Variants in DNM1L observed in about 807,000 individuals in gnomAD.
The protein encoded by DNM1L is dynamin-1-like protein.
DNM1L carries 33 observed loss-of-function variants against 92.8 expected under a neutral mutation model. That is an observed-to-expected ratio of 0.36 (90% CI 0.27 to 0.48). The LOEUF is 0.48. Ranked by LOEUF, DNM1L falls within the 20% of genes least tolerant of loss-of-function variation. DNM1L has a pLI of 0.99. For synonymous variants in DNM1L, 284 were observed against 305.0 expected, an observed-to-expected ratio of 0.93 and a Z score of 0.72; for missense variants, 485 against 888.8, an observed-to-expected ratio of 0.55 and a Z score of 5.78.
rs1183656447 is a variant in DNM1L, at chr12:32,679,304, G to A, written c.-60G>A. ...GAGAGGAGGAAGGAGGCGAACTGTG[G>A]GCCCCGGCCCCATTCATTGCCGTGG... On this transcript the variant is annotated 5_prime_UTR_variant, in exon 1 of 20. Coordinates refer to ENST00000549701, the MANE Select transcript of DNM1L (RefSeq NM_012062.5). 1 of 1,214,802 alleles carries A rather than the reference G, an allele frequency of 8.2e-7. No homozygotes were observed. Among genetic ancestry groups the A allele is most frequent in the Admixed American group, 1.8e-5 (1 of 55,014 alleles). 75.3% of individuals were successfully genotyped at this position (1,214,802 alleles called of 1,614,324 possible). A position where few individuals can be genotyped will look rare whatever the true frequency, so the allele number is the denominator to read the frequency against.
rs553345964 is a variant in DNM1L, at chr12:32,745,086, C to T, written c.*1676C>T. On this transcript the variant is annotated 3_prime_UTR_variant, in exon 20 of 20. Coordinates refer to ENST00000549701, the MANE Select transcript of DNM1L (RefSeq NM_012062.5). Reference sequence around the variant, plus strand: ...CTGATGTCAAACATAAAAACCCCCACATCAGTCTGATACGATATGGTACTA... The same window carrying T: ...CTGATGTCAAACATAAAAACCCCCATATCAGTCTGATACGATATGGTACTA... The T allele has an allele frequency of 2.9e-5, 14 of 483,056 alleles. No individual in the cohort carries two copies. The highest frequency in any genetic ancestry group is 1.8e-4 in the African/African-American group (9 of 50,438). 29.9% of individuals were successfully genotyped at this position (483,056 alleles called of 1,614,324 possible).
intron 2 of DNM1L, chr12:32,705,305 A>T (rs1283433578): frequency 6.6e-6 from 1 of 152,160 alleles, no homozygotes; most frequent in Non-Finnish European, 1.5e-5. Context: ...CTTGGCCCAA[A>T]TTTTTGAATA....
chr12:32,716,030 G>A (rs888770558), intron 6 of DNM1L, among the ~76,000 whole-genome samples: 1 of 152,036 alleles, frequency 6.6e-6, no homozygotes, highest in Non-Finnish European at 1.5e-5. Flanking sequence ...CTAAAGTATG[G>A]TACATTCCAT....
intron 2 of DNM1L, among the ~76,000 whole-genome samples, chr12:32,706,480 G>A (rs1376558075): frequency 6.6e-6 from 1 of 152,160 alleles, no homozygotes; most frequent in African/African-American, 2.4e-5. Context: ...AACAGTTCTA[G>A]TTTTTCTGGG....
intron 1 of DNM1L, among the ~76,000 whole-genome samples, chr12:32,699,655 G>A (rs1167094400): frequency 3.9e-5 from 6 of 151,954 alleles, no homozygotes; most frequent in African/African-American, 1.5e-4. Context: ...ACCGCTGGGC[G>A]TGGTGTCACA....
intron 16 of DNM1L, among the ~76,000 whole-genome samples, chr12:32,738,912 G>A (rs2137578081): frequency 6.6e-6 from 1 of 152,202 alleles, no homozygotes; most frequent in Non-Finnish European, 1.5e-5. Flanking sequence ...GTTTATAAAT[G>A]TCTTATCTTC....
rs1195130399 is a variant in DNM1L, at chr12:32,743,336, T to A, written c.2155-18T>A. 1 of 1,611,944 alleles carries A rather than the reference T, an allele frequency of 6.2e-7. No individual in the cohort carries two copies. The highest frequency in any genetic ancestry group is 1.3e-5 in the African/African-American group (1 of 74,878). On this transcript the variant is annotated intron_variant, in intron 19 of 19. Transcript: ENST00000549701. ...AACTTTATAATAAGCATTTAAAATT[T>A]TTTTTCCTTTAATGCAGGCATTACA...
intron 9 of DNM1L, chr12:32,728,020 AC>A (rs1592651963): frequency 6.6e-6 from 1 of 152,382 alleles, no homozygotes; most frequent in Middle Eastern, 3.4e-3. Context: ...TCATTAGAAC[AC>A]CTTTTTATTT....
rs1045288339 is a variant in DNM1L at position 32,737,653 on chromosome 12, G to A, written c.1597-212G>A. The A allele has an allele frequency of 9.4e-6, 5 of 533,244 alleles. No individual in the cohort carries two copies. In the South Asian group the frequency reaches 1.1e-4, roughly 12 times the overall value. 33.0% of individuals were successfully genotyped at this position (533,244 alleles called of 1,614,324 possible). ...AATAAAAATGAAGCTTTTGGATTTG[G>A]ATTTTTCTTATGTATTCATCTGAAG... is the stretch of plus-strand genomic sequence containing the variant. On this transcript the variant is annotated intron_variant, in intron 14 of 19. Transcript: ENST00000549701.
chr12:32,679,400 G>A lies in DNM1L; in HGVS notation c.37G>A (p.Asp13Asn). 1.2e-6 allele frequency: 2 copies of A among 1,613,878 alleles called. No homozygotes were observed. Among genetic ancestry groups the A allele is most frequent in the Non-Finnish European group, 1.7e-6 (2 of 1,179,934 alleles). ...ALIPVINKLQ[D>N]VFNTVGADII... ...AATTCCTGTCATAAACAAGCTCCAGGACGTCTTCAACACGGTGGGCGCCGA... is the reference window on the plus strand; with the variant it reads ...AATTCCTGTCATAAACAAGCTCCAGAACGTCTTCAACACGGTGGGCGCCGA... The change falls in exon 1 of 20, where the codon GAC becomes AAC. Residue 13 changes from aspartate (D) to asparagine (N), a missense_variant. Asp to Asn is a conservative substitution (Grantham distance 23). This residue lies in a region of DNM1L where 19 missense variants were observed against 16.1 expected (regional missense o/e 1.18). Transcript: ENST00000549701.
At chr12:32,717,995 G>T (rs1248163180) in intron 6 of DNM1L, among the ~76,000 whole-genome samples, 4 of 110,052 alleles carry the variant, frequency 3.6e-5, no homozygotes, top group Non-Finnish European at 6.9e-5. Flanking sequence ...AGTATGTATA[G>T]TATATATAAT....
chr12:32,705,316 G>A (rs1032048449), intron 2 of DNM1L: 1 of 152,154 alleles, frequency 6.6e-6, no homozygotes, highest in East Asian at 1.9e-4. Context: ...TTTTTGAATA[G>A]TGAATTAATT....
intron 1 of DNM1L, among the ~76,000 whole-genome samples, chr12:32,700,189 G>A (rs1036448752): frequency 6.6e-6 from 1 of 151,866 alleles, no homozygotes; most frequent in Non-Finnish European, 1.5e-5. Context: ...GTGTGACCTC[G>A]GCTTACTGCA....
chr12:32,736,072 T>C (rs1954854715), intron 13 of DNM1L, among the ~76,000 whole-genome samples: 4 of 146,666 alleles, frequency 2.7e-5, no homozygotes, highest in African/African-American at 1.0e-4. Context: ...ATAATCTTTT[T>C]TTTTTTTTTT....
At chr12:32,708,115 T>C (rs778459424) in intron 3 of DNM1L, 38 bp from the exon 4 acceptor site, 1 of 1,282,792 alleles carries the variant, frequency 7.8e-7, no homozygotes, top group South Asian at 1.2e-5. Context: ...TTTGATCTTA[T>C]TTTGAATATT....
intron 12 of DNM1L, among the ~76,000 whole-genome samples, chr12:32,732,382 CGTA>C (rs1427380667): frequency 6.6e-6 from 1 of 152,202 alleles, no homozygotes; most frequent in South Asian, 2.1e-4. Flanking sequence ...ACTATAATAT[CGTA>C]GTTGCTTGCT....
intron 7 of DNM1L, 61 bp from the exon 8 acceptor site, chr12:32,720,603 A>C (rs977012849): frequency 6.2e-6 from 10 of 1,609,284 alleles, no homozygotes; most frequent in African/African-American, 4.0e-5. Context: ...TGCTGTCATC[A>C]TCTAAGGTAG....
intron 18 of DNM1L, among the ~76,000 whole-genome samples, chr12:32,742,372 G>A (rs1377346836): frequency 1.3e-5 from 2 of 152,190 alleles, no homozygotes; most frequent in Non-Finnish European, 2.9e-5. Flanking sequence ...CCAGAGTGCT[G>A]GGATTACAGG....
chr12:32,740,670 A>C (rs1955226881), intron 18 of DNM1L, 152 bp downstream of exon 18: 1 of 676,616 alleles, frequency 1.5e-6, no homozygotes, highest in African/African-American at 1.8e-5. Flanking sequence ...TTGTAGCAAG[A>C]CCCATTTTGT....
Sources: allele counts gnomAD v4.1 joint callset (sites outside exome capture counted in the v4.1 genomes callset), GRCh38; gene constraint gnomAD v4.1.1; regional missense constraint gnomAD v4.1.1; transcripts MANE v1.5; gene names NCBI Gene and HGNC (gene_info 2026-07-23, HGNC 2026-07-21).